ST3GAL6: variants seen among roughly 807,000 people sequenced by gnomAD.
ST3GAL6 encodes type 2 lactosamine alpha-2,3-sialyltransferase.
In ST3GAL6, 31 loss-of-function variants were observed where a neutral mutation model predicts 40.5. The ratio of observed to expected loss-of-function variants is 0.77; its 90% CI spans 0.58 to 1.03. The LOEUF is 1.03. Among genes scored for constraint, ST3GAL6 ranks in the 50% least tolerant of loss-of-function variants. ST3GAL6 has a pLI of 0.00. For synonymous variants in ST3GAL6, 129 were observed against 136.9 expected (o/e 0.94, Z 0.40); for missense variants, 357 against 393.2 (o/e 0.91, Z 0.78).
chr3:98,776,927 A>G (rs1939607889), intron 5 of ST3GAL6, among the ~76,000 whole-genome samples: 1 of 152,232 alleles, frequency 6.6e-6, no homozygotes, highest in African/African-American at 2.4e-5. Context: ...AACTCAAAAT[A>G]TCAGTTGTGA....
intron 1 of ST3GAL6, among the ~76,000 whole-genome samples, chr3:98,758,129 G>A (rs562787605): frequency 1.2e-4 from 19 of 152,064 alleles, no homozygotes; most frequent in Non-Finnish European, 2.5e-4. Flanking sequence ...TTGAGCCACC[G>A]TGCCCGGTCC....
intron 5 of ST3GAL6, among the ~76,000 whole-genome samples, chr3:98,781,606 C>T (rs1388271888): frequency 6.6e-6 from 1 of 152,062 alleles, no homozygotes; most frequent in Non-Finnish European, 1.5e-5. Flanking sequence ...TGGCCTTTGC[C>T]CCTGCATGTT....
chr3:98,750,731 T>C (rs781287336), intron 1 of ST3GAL6, among the ~76,000 whole-genome samples: 7 of 152,184 alleles, frequency 4.6e-5, no homozygotes, highest in Non-Finnish European at 8.8e-5. Flanking sequence ...AAATGGACTT[T>C]AGAACATACT....
chr3:98,744,608 G>A (rs747464237), intron 1 of ST3GAL6, among the ~76,000 whole-genome samples: 5 of 152,156 alleles, frequency 3.3e-5, no homozygotes, highest in Non-Finnish European at 7.4e-5. Flanking sequence ...ACATGCTCCA[G>A]GTTGAGCCTT....
chr3:98,744,176 T>G (rs1197821698), intron 1 of ST3GAL6, among the ~76,000 whole-genome samples: 1 of 152,164 alleles, frequency 6.6e-6, no homozygotes, highest in Non-Finnish European at 1.5e-5. Context: ...CAAGGAAAGA[T>G]TCCTCTCTAC....
At chr3:98,755,938 C>G (rs1250052897) in intron 1 of ST3GAL6, among the ~76,000 whole-genome samples, 2 of 152,018 alleles carry the variant, frequency 1.3e-5, no homozygotes, top group African/African-American at 2.4e-5. Flanking sequence ...TCCTCATTCT[C>G]CTCTCTCCTT....
At chr3:98,751,229 A>G (rs1473815761) in intron 1 of ST3GAL6, among the ~76,000 whole-genome samples, 1 of 151,966 alleles carries the variant, frequency 6.6e-6, no homozygotes, top group Non-Finnish European at 1.5e-5. Context: ...ATCTTAAAGG[A>G]CCCTTCCAAC....
chr3:98,763,325 T>C (rs1273709575), upstream of ST3GAL6: 7 of 1,289,490 alleles, frequency 5.4e-6, no homozygotes, highest in South Asian at 6.2e-5. Flanking sequence ...TTCCACACAG[T>C]CTGGAGTGTA....
At chr3:98,783,570 GA>G in intron 5 of ST3GAL6, 1 of 983,292 alleles carries the variant, frequency 1.0e-6, no homozygotes, top group African/African-American at 1.8e-5. Flanking sequence ...TAGACTCCCA[GA>G]AAAAAGAAAT....
rs149093667 is a variant in ST3GAL6 at position 98,779,256 on chromosome 3, C to T, written c.335+5273C>T. ...TCTTTTGGCAGCAGCAAAATCTCTT[C>T]CAAAAGCATCTAATAGACTTCCCTA... On this transcript the variant is annotated intron_variant, in intron 5 of 9. Transcript: ENST00000483910. Among the ~76,000 whole-genome samples, 70 of 152,310 alleles carry T rather than the reference C, an allele frequency of 4.6e-4. 1 individual carries two copies. The highest frequency in any genetic ancestry group is 1.7e-3 in the African/African-American group (69 of 41,568).
At chr3:98,756,961 G>A (rs1016524230) in intron 1 of ST3GAL6, among the ~76,000 whole-genome samples, 3 of 152,126 alleles carry the variant, frequency 2.0e-5, no homozygotes, top group African/African-American at 7.2e-5. Context: ...TTTCTCAATA[G>A]AATTAATTCC....
At chr3:98,735,065 A>C (rs147650452) in intron 1 of ST3GAL6, among the ~76,000 whole-genome samples, 1 of 152,352 alleles carries the variant, frequency 6.6e-6, no homozygotes, top group East Asian at 1.9e-4. Context: ...TGAAGGAAGC[A>C]TGGAACTCCT....
intron 1 of ST3GAL6, among the ~76,000 whole-genome samples, chr3:98,747,790 T>C (rs1936674638): frequency 6.6e-6 from 1 of 152,234 alleles, no homozygotes; most frequent in South Asian, 2.1e-4. Context: ...CAATATCATA[T>C]ACTCTATAAT....
In ST3GAL6 at chr3:98,788,461, C is replaced by T; in HGVS notation, c.754C>T (p.Gln252Ter). 1 of 1,607,002 alleles carries T rather than the reference C, an allele frequency of 6.2e-7. No homozygotes were observed. Among genetic ancestry groups the T allele is most frequent in the Non-Finnish European group, 8.5e-7 (1 of 1,177,304 alleles). ...TTTTCCAAAAGTGTTTCCCAAAAAT[C>T]AGGTATGTATTTATCTCTGCATGGT... ...LHFPKVFPKN[Q>*]KPKHPTTGII... Residue 252 changes from glutamine to a stop codon, truncating the protein, a stop_gained and splice_region_variant, in exon 8 of 10, where the codon CAG (glutamine) becomes TAG (stop). Coordinates refer to ENST00000483910, the MANE Select transcript of ST3GAL6 (RefSeq NM_001323368.2). LOFTEE classifies it high-confidence loss of function.
At position 98,793,753 on chromosome 3, in the gene ST3GAL6, C is replaced by T. The variant is rs757533634; in HGVS notation, c.988C>T (p.Gln330Ter). 1 of 1,593,628 alleles carries T rather than the reference C, an allele frequency of 6.3e-7. No individual in the cohort carries two copies. Among genetic ancestry groups the T allele is most frequent in the Admixed American group, 1.7e-5 (1 of 57,352 alleles). ...AAAAAACCTCGTAATCAACTTGACT[C>T]AAGATTGACTCTACAGACTCAGAAG... Reference protein sequence around the residue: ...IEKNLVINLTQD With the variant: ...IEKNLVINLT Residue 330 changes from glutamine to a stop codon, truncating the protein, a stop_gained, in exon 10 of 10, where the codon CAA (glutamine) becomes TAA (stop). Transcript: ENST00000483910. LOFTEE classifies it high-confidence loss of function.
intron 1 of ST3GAL6, among the ~76,000 whole-genome samples, chr3:98,736,324 A>G: frequency 6.6e-6 from 1 of 152,224 alleles, no homozygotes; most frequent in South Asian, 2.1e-4. Flanking sequence ...GCATCATTGC[A>G]TACTTTGCAA....
intron 4 of ST3GAL6, 107 bp from the exon 5 acceptor site, chr3:98,773,813 G>A (rs907490101): frequency 5.2e-6 from 4 of 771,112 alleles, no homozygotes; most frequent in African/African-American, 5.2e-5. Flanking sequence ...AATCAATGTG[G>A]CCATGCTGGT....
rs892511428 is a variant in ST3GAL6 at position 98,795,445 on chromosome 3, TTCC to T, written c.*1687_*1689del. ...TGTTTGCAGAGTCCCACAGTTTTGA[TTCC>T]TCTTATAACTTTTTGAGGTGCAAAA... On this transcript the variant is annotated 3_prime_UTR_variant, in exon 10 of 10. Transcript: ENST00000483910. The T allele has an allele frequency of 3.3e-4, 51 of 152,348 alleles. No individual in the cohort carries two copies. The highest frequency in any genetic ancestry group is 1.2e-3 in the African/African-American group (51 of 41,582). The allele number at this position is 152,348 out of a possible 1,614,324, so 9.4% of individuals were successfully genotyped here.
At chr3:98,736,432 C>T (rs1447630965) in intron 1 of ST3GAL6, among the ~76,000 whole-genome samples, 3 of 152,070 alleles carry the variant, frequency 2.0e-5, no homozygotes, top group African/African-American at 7.2e-5. Context: ...GAGAACAAGG[C>T]CCCCAGAAGA....
Sources: allele counts gnomAD v4.1 joint callset (sites outside exome capture counted in the v4.1 genomes callset), GRCh38; gene constraint gnomAD v4.1.1; transcripts MANE v1.5; gene names NCBI Gene and HGNC (gene_info 2026-07-23, HGNC 2026-07-21).